Variants in OSBPL9 observed in about 807,000 individuals in gnomAD.
OSBPL9 encodes oxysterol-binding protein-related protein 9.
In OSBPL9, 40 loss-of-function variants were observed where a neutral mutation model predicts 106.6. That is an observed-to-expected ratio of 0.38 (90% CI 0.29 to 0.49). OSBPL9 has a LOEUF of 0.49. OSBPL9 is among the 20% of genes least tolerant of loss of function. The pLI, the probability that OSBPL9 is intolerant of heterozygous loss-of-function variation, is 0.97. For synonymous variants in OSBPL9, 269 were observed against 295.4 expected (o/e 0.91, Z 0.92); for missense variants, 609 against 887.2 (o/e 0.69, Z 3.98).
At chr1:51,587,445 T>G (rs2148600478) in intron 1 of OSBPL9, among the ~76,000 whole-genome samples, 1 of 152,320 alleles carries the variant, frequency 6.6e-6, no homozygotes, top group East Asian at 1.9e-4. Flanking sequence ...CCTCCTATCC[T>G]CCAATTCTCA....
chr1:51,717,924 G>T (rs1325867092), intron 4 of OSBPL9, among the ~76,000 whole-genome samples: 1 of 152,156 alleles, frequency 6.6e-6, no homozygotes, highest in African/African-American at 2.4e-5. Context: ...GTTTATTGCA[G>T]CACTATTCAC....
At chr1:51,739,347 G>T (rs539555701) in intron 4 of OSBPL9, among the ~76,000 whole-genome samples, 9 of 152,088 alleles carry the variant, frequency 5.9e-5, no homozygotes, top group Admixed American at 5.2e-4. Context: ...GAGAAAGCTT[G>T]TAAAGTGTCT....
intron 8 of OSBPL9, among the ~76,000 whole-genome samples, chr1:51,751,710 G>A (rs1273617191): frequency 6.6e-6 from 1 of 152,172 alleles, no homozygotes; most frequent in Non-Finnish European, 1.5e-5. Flanking sequence ...AAGCAGAGGA[G>A]CTGATACAGT....
intron 4 of OSBPL9, among the ~76,000 whole-genome samples, chr1:51,715,155 G>A (rs915747741): frequency 6.6e-6 from 1 of 152,106 alleles, no homozygotes; most frequent in Admixed American, 6.5e-5. Context: ...GTGACATAGG[G>A]TATCTTAGGC....
chr1:51,601,001 C>T (rs770100915), intron 2 of OSBPL9, among the ~76,000 whole-genome samples: 7 of 152,146 alleles, frequency 4.6e-5, no homozygotes, highest in African/African-American at 1.2e-4. Flanking sequence ...TTATGTGGAT[C>T]GGTTGGTTAG....
At chr1:51,542,534 C>T in the OSBPL9 span, among the ~76,000 whole-genome samples, 2 of 152,210 alleles carry the variant, frequency 1.3e-5, no homozygotes, top group Non-Finnish European at 2.9e-5. Flanking sequence ...TCCTATAAGG[C>T]AGCACTCGAT....
chr1:51,625,424 G>A (rs1257207039), intron 1 of OSBPL9, among the ~76,000 whole-genome samples: 1 of 152,042 alleles, frequency 6.6e-6, no homozygotes, highest in Non-Finnish European at 1.5e-5. Flanking sequence ...ATTAAGGATT[G>A]AATTTCTTTT....
chr1:51,724,048 G>A (rs1451149593), intron 4 of OSBPL9, among the ~76,000 whole-genome samples: 4 of 152,140 alleles, frequency 2.6e-5, no homozygotes, highest in Non-Finnish European at 4.4e-5. Context: ...CCAGGTTCAA[G>A]CGATTCTTGT....
At chr1:51,602,047 G>A (rs1645327381) in intron 2 of OSBPL9, among the ~76,000 whole-genome samples, 1 of 1,116 alleles carries the variant, frequency 9.0e-4, no homozygotes, top group South Asian at 0.05. Context: ...TTGAGACGGA[G>A]TCTCACTCTT....
intron 3 of OSBPL9, among the ~76,000 whole-genome samples, chr1:51,681,560 T>A (rs1652565461): frequency 1.3e-5 from 2 of 152,200 alleles, no homozygotes; most frequent in African/African-American, 4.8e-5. Context: ...TTAATTTTTC[T>A]GTTTTTCTAC....
intron 1 of OSBPL9, among the ~76,000 whole-genome samples, chr1:51,595,326 T>G (rs557610228): frequency 1.3e-5 from 2 of 152,264 alleles, no homozygotes; most frequent in South Asian, 4.1e-4. Flanking sequence ...GTTCGTCATC[T>G]CTCTGTCCCT....
intron 2 of OSBPL9, among the ~76,000 whole-genome samples, chr1:51,655,723 A>G (rs904957523): frequency 7.9e-5 from 12 of 152,314 alleles, no homozygotes; most frequent in Non-Finnish European, 1.8e-4. Flanking sequence ...TTTGATTCCC[A>G]TTTTTACCCA....
intron 1 of OSBPL9, among the ~76,000 whole-genome samples, chr1:51,621,893 AATCAAAT>A (rs1436150956): frequency 6.6e-6 from 1 of 152,210 alleles, no homozygotes; most frequent in Non-Finnish European, 1.5e-5. Context: ...CTGAAAGCTT[AATCAAAT>A]TTATTTTTTT....
At chr1:51,783,662 T>A (rs1025429956) in intron 17 of OSBPL9, among the ~76,000 whole-genome samples, 5 of 152,210 alleles carry the variant, frequency 3.3e-5, no homozygotes, top group Admixed American at 6.5e-5. Context: ...CCAGAACAGA[T>A]AGCCCTTTTG....
At chr1:51,643,653 C>CT (rs1332160678) in intron 1 of OSBPL9, among the ~76,000 whole-genome samples, 6 of 151,858 alleles carry the variant, frequency 4.0e-5, no homozygotes, top group Non-Finnish European at 8.8e-5. Context: ...CCATGAAGTA[C>CT]TTTTTTTTGC....
intron 1 of OSBPL9, among the ~76,000 whole-genome samples, chr1:51,586,166 T>C (rs2148600189): frequency 6.6e-6 from 1 of 152,008 alleles, no homozygotes; most frequent in South Asian, 2.1e-4. Context: ...AGAGTGAGAC[T>C]GTGTCTCAAA....
intron 2 of OSBPL9, among the ~76,000 whole-genome samples, chr1:51,663,231 A>G (rs1647517726): frequency 6.6e-6 from 1 of 152,070 alleles, no homozygotes; most frequent in Non-Finnish European, 1.5e-5. Flanking sequence ...AATAAATGAC[A>G]GTCTATTTAT....
chr1:51,604,866 A>C (rs1421811720), intron 2 of OSBPL9, among the ~76,000 whole-genome samples: 1 of 151,928 alleles, frequency 6.6e-6, no homozygotes, highest in Admixed American at 6.5e-5. Context: ...TGGTCAGGCT[A>C]ATCTTGAACT....
At chr1:51,548,370 A>T in the OSBPL9 span, among the ~76,000 whole-genome samples, 2 of 151,682 alleles carry the variant, frequency 1.3e-5, no homozygotes, top group Non-Finnish European at 2.9e-5. Flanking sequence ...AAGTGCTGAG[A>T]TTACATGTGT....
Sources: gnomAD v4.1 joint callset for allele counts (sites outside exome capture counted in the v4.1 genomes callset) on GRCh38, gnomAD v4.1.1 for gene constraint, MANE v1.5 for transcripts, NCBI Gene and HGNC (gene_info 2026-07-23, HGNC 2026-07-21) for gene names.